CADM2: variants seen among roughly 807,000 people sequenced by gnomAD.
CADM2 encodes cell adhesion molecule 2.
In CADM2, 12 loss-of-function variants were observed where a neutral mutation model predicts 49.8. The ratio of observed to expected loss-of-function variants is 0.24; its 90% confidence interval spans 0.15 to 0.39. The LOEUF is 0.39. Ranked by LOEUF, CADM2 falls within the 10% of genes least tolerant of loss-of-function variation. The pLI, the probability that CADM2 is intolerant of heterozygous loss-of-function variation, is 1.00. For missense variants in CADM2, 378 were observed against 492.3 expected (o/e 0.77, Z 2.20); for synonymous variants, 214 against 175.4 (o/e 1.22, Z -1.74).
intron 1 of CADM2, among the ~76,000 whole-genome samples, chr3:85,370,907 G>T (rs2033179959): frequency 1.3e-5 from 2 of 152,102 alleles, no homozygotes; most frequent in South Asian, 4.1e-4. Context: ...GTGTGTGTTT[G>T]TGTCTTTGTT....
At chr3:85,817,780 T>G (rs1396678264) in intron 3 of CADM2, among the ~76,000 whole-genome samples, 2 of 152,048 alleles carry the variant, frequency 1.3e-5, no homozygotes, top group Non-Finnish European at 2.9e-5. Context: ...ACCACTGCAC[T>G]CCAGCGTCGG....
intron 1 of CADM2, among the ~76,000 whole-genome samples, chr3:85,433,415 T>C (rs1203788215): frequency 6.6e-6 from 1 of 152,080 alleles, no homozygotes; most frequent in Non-Finnish European, 1.5e-5. Flanking sequence ...TACTTTTTTT[T>C]CCCCTTGTAG....
intron 8 of CADM2, among the ~76,000 whole-genome samples, chr3:86,062,700 A>G (rs1272950757): frequency 6.6e-6 from 1 of 152,124 alleles, no homozygotes; most frequent in Non-Finnish European, 1.5e-5. Context: ...CTGAGGCAGT[A>G]GAATCGCTTG....
chr3:85,479,756 G>T (rs930287896), intron 1 of CADM2, among the ~76,000 whole-genome samples: 2 of 151,874 alleles, frequency 1.3e-5, no homozygotes, highest in Admixed American at 1.3e-4. Flanking sequence ...TGCTGTATTA[G>T]GCAGTAACTC....
At position 85,181,680 on chromosome 3, in the gene CADM2, T is replaced by G. The variant is rs73845404; in HGVS notation, c.61+222012T>G. 4.2e-3 allele frequency among the ~76,000 whole-genome samples: 631 copies of G among 152,046 alleles called. 4 individuals carry two copies. The highest frequency in any genetic ancestry group is 0.014 in the African/African-American group (568 of 41,542). On this transcript the variant is annotated intron_variant, in intron 1 of 9. Coordinates refer to ENST00000383699, the MANE Select transcript of CADM2 (RefSeq NM_001167675.2). Reference sequence around the variant, plus strand: ...CACAAGCAAGTTTGCATTTACTTCATTCACTATTTTTTCAAATGTTCATAG... The same window carrying G: ...CACAAGCAAGTTTGCATTTACTTCAGTCACTATTTTTTCAAATGTTCATAG...
At chr3:85,369,764 G>A (rs2033064167) in intron 1 of CADM2, among the ~76,000 whole-genome samples, 1 of 152,140 alleles carries the variant, frequency 6.6e-6, no homozygotes, top group Admixed American at 6.5e-5. Flanking sequence ...ATAGAAAAGT[G>A]CCTAGATAAT....
intron 8 of CADM2, among the ~76,000 whole-genome samples, chr3:86,064,774 C>T (rs1739115039): frequency 6.6e-6 from 1 of 152,198 alleles, no homozygotes; most frequent in African/African-American, 2.4e-5. Flanking sequence ...AACTGGCCAT[C>T]CTTTTCTGGG....
chr3:85,801,089 T>C (rs529120678), intron 2 of CADM2: 11 of 152,338 alleles, frequency 7.2e-5, no homozygotes, highest in Admixed American at 3.9e-4. Context: ...AAGTCATTCT[T>C]ACCCATGTTA....
Position 85,374,818 on chromosome 3 carries a change from A to T in CADM2, c.62-351704A>T, listed in dbSNP as rs900992598. On this transcript the variant is annotated intron_variant, in intron 1 of 9. Coordinates refer to ENST00000383699, the MANE Select transcript of CADM2 (RefSeq NM_001167675.2). Reference sequence around the variant, plus strand: ...CAGCAGAACAGCAAGGGAAAAACCCACTCCAATGATTCAATTGTCTCCCAC... The same window carrying T: ...CAGCAGAACAGCAAGGGAAAAACCCTCTCCAATGATTCAATTGTCTCCCAC... Among the ~76,000 whole-genome samples, 3 of 151,930 alleles carry T rather than the reference A, an allele frequency of 2.0e-5. No homozygotes were observed. In the East Asian group the frequency reaches 5.8e-4, roughly 29 times the overall value.
chr3:85,620,112 C>A (rs1276373997), intron 1 of CADM2, among the ~76,000 whole-genome samples: 3 of 152,130 alleles, frequency 2.0e-5, no homozygotes, highest in African/African-American at 7.2e-5. Flanking sequence ...CCAATATTCT[C>A]TCTTTGGTCA....
At chr3:86,000,695 A>C (rs77353038) in intron 8 of CADM2, among the ~76,000 whole-genome samples, 1 of 151,880 alleles carries the variant, frequency 6.6e-6, no homozygotes, top group Non-Finnish European at 1.5e-5. Context: ...AAAAAAAAAA[A>C]GCTTAGCCTG....
intron 1 of CADM2, among the ~76,000 whole-genome samples, chr3:85,202,452 A>G (rs759903166): frequency 9.2e-5 from 14 of 152,176 alleles, no homozygotes; most frequent in Non-Finnish European, 1.9e-4. Context: ...CAGAGGTCTT[A>G]GGTGACTAAG....
chr3:85,243,580 C>A (rs1454644507), intron 1 of CADM2, among the ~76,000 whole-genome samples: 5 of 151,994 alleles, frequency 3.3e-5, no homozygotes, highest in African/African-American at 1.2e-4. Flanking sequence ...CGTAATTTTG[C>A]ATGCATTATC....
intron 1 of CADM2, among the ~76,000 whole-genome samples, chr3:85,628,297 A>C (rs1319305209): frequency 6.6e-6 from 1 of 151,952 alleles, no homozygotes; most frequent in Non-Finnish European, 1.5e-5. Context: ...TCATGTTGGT[A>C]TATCAATCAA....
intron 1 of CADM2, among the ~76,000 whole-genome samples, chr3:85,471,257 T>A (rs1052430027): frequency 4.6e-5 from 7 of 152,108 alleles, no homozygotes; most frequent in African/African-American, 1.7e-4. Flanking sequence ...TCCACTTGGT[T>A]CAAATTTGGT....
intron 1 of CADM2, among the ~76,000 whole-genome samples, chr3:85,125,423 C>T (rs1261184593): frequency 4.6e-5 from 7 of 151,714 alleles, no homozygotes; most frequent in South Asian, 2.1e-4. Flanking sequence ...GGCAGTGACA[C>T]GATCACTGTC....
intron 1 of CADM2, among the ~76,000 whole-genome samples, chr3:85,523,783 A>T (rs1287298629): frequency 6.6e-6 from 1 of 152,086 alleles, no homozygotes; most frequent in Non-Finnish European, 1.5e-5. Context: ...AGTATAGAAC[A>T]ATATGGGGTC....
intron 1 of CADM2, among the ~76,000 whole-genome samples, chr3:85,169,127 T>TTGTTC (rs1251386232): frequency 6.6e-6 from 1 of 151,716 alleles, no homozygotes; most frequent in Non-Finnish European, 1.5e-5. Flanking sequence ...TAGTTTTGTT[T>TTGTTC]TGTTCTGTTT....
At chr3:84,988,453 A>G (rs1233772013) in intron 1 of CADM2, among the ~76,000 whole-genome samples, 1 of 152,178 alleles carries the variant, frequency 6.6e-6, no homozygotes, top group Non-Finnish European at 1.5e-5. Flanking sequence ...TGTTGTATTC[A>G]TTGTTCCATC....
Sources: allele counts gnomAD v4.1 joint callset (sites outside exome capture counted in the v4.1 genomes callset), GRCh38; gene constraint gnomAD v4.1.1; transcripts MANE v1.5; gene names NCBI Gene and HGNC (gene_info 2026-07-23, HGNC 2026-07-21).